The following RBBP8 variants were observed in gnomAD, a reference collection of about 807,000 sequenced individuals.
RBBP8 encodes the protein DNA endonuclease RBBP8.
A neutral mutation model predicts 108.3 loss-of-function variants in RBBP8; 88 were observed. The observed-to-expected ratio is 0.81, with a 90% CI of 0.68 to 0.97. The LOEUF (loss-of-function observed/expected upper bound fraction) is 0.97. Ranked by LOEUF, RBBP8 falls within the 50% of genes least tolerant of loss-of-function variation. The pLI is 0.00. For missense variants in RBBP8, 1,023 were observed against 1,049.0 expected, an observed-to-expected ratio of 0.98 and a Z score of 0.34; for synonymous variants, 332 against 348.2, an observed-to-expected ratio of 0.95 and a Z score of 0.52.
intron 16 of RBBP8, among the ~76,000 whole-genome samples, chr18:23,007,090 G>T (rs551803633): frequency 6.8e-6 from 1 of 147,438 alleles, no homozygotes; most frequent in South Asian, 2.2e-4. Context: ...GCGCAATCTC[G>T]GCTCACTGCA....
rs1909526048 is a variant in RBBP8, at chr18:22,920,024, T to C, written c.-154+2998T>C. 2.0e-5 allele frequency among the ~76,000 whole-genome samples: 3 copies of C among 152,254 alleles called. No homozygotes were observed. The South Asian group carries it at 6.2e-4, about 32-fold the overall frequency. On this transcript the variant is annotated intron_variant, in intron 3 of 4. Transcript: ENST00000577588. ...AGGAAAAAAACAAAAATTTTAAATA[T>C]GTTTTTAAAATGTTCTGGTGGGGAA...
Position 22,990,933 on chromosome 18 carries a change from G to A in RBBP8, c.808-4G>A, listed in dbSNP as rs772486828. 2 of 1,603,418 alleles carry A rather than the reference G, an allele frequency of 1.2e-6. No individual in the cohort carries two copies. Among genetic ancestry groups the A allele is most frequent in the Non-Finnish European group, 8.5e-7 (1 of 1,170,724 alleles). ...TGGATGTGCTTCATATTTTACTCTT[G>A]AAGGAAACTCAAGGTCCCATGAGCC... On this transcript the variant is annotated splice_polypyrimidine_tract_variant and splice_region_variant and intron_variant, in intron 9 of 18. Transcript: ENST00000327155.
chr18:22,952,312 A>G (rs918003950), intron 4 of RBBP8, among the ~76,000 whole-genome samples: 10 of 152,214 alleles, frequency 6.6e-5, no homozygotes, highest in Admixed American at 6.5e-4. Context: ...TCTTAAGGAC[A>G]TCTTTGAATA....
intron 13 of RBBP8, 103 bp from the exon 14 acceptor site, chr18:22,997,517 A>C: frequency 1.3e-6 from 1 of 760,598 alleles, no homozygotes; most frequent in Non-Finnish European, 2.3e-6. Flanking sequence ...AAAGTTGTAA[A>C]ATGTATGTTA....
At chr18:23,005,474 A>ACTC (rs200391805) in intron 15 of RBBP8, among the ~76,000 whole-genome samples, 1,589 of 152,194 alleles carry the variant, frequency 0.01, 22 homozygotes, top group African/African-American at 0.036. Context: ...GTGCAGTGGC[A>ACTC]CAATCTCAGC....
chr18:22,970,016 T>C (rs1339010919), intron 5 of RBBP8, among the ~76,000 whole-genome samples: 1 of 152,162 alleles, frequency 6.6e-6, no homozygotes. Flanking sequence ...AATCCTTGGA[T>C]GCTCAAGTAC....
intron 2 of RBBP8, among the ~76,000 whole-genome samples, chr18:22,938,258 A>G (rs1910750375): frequency 6.6e-6 from 1 of 152,088 alleles, no homozygotes; most frequent in Non-Finnish European, 1.5e-5. Context: ...CATCCTCCCA[A>G]GTAGTTGGGA....
rs1446241860 is a variant in RBBP8, at chr18:23,026,160, C to G, written c.2614C>G (p.Leu872Val). The change falls in exon 19 of 19, where the codon CTT becomes GTT. Residue 872 changes from leucine to valine, a missense_variant. Physicochemically the swap from Leu to Val is conservative, Grantham distance 32. Coordinates refer to ENST00000327155, the MANE Select transcript of RBBP8 (RefSeq NM_002894.3). ...TTTTTAAGGTTATATTAAGGAAGAT[C>G]TTGATCCTTGTCCTCGTCCAAAAAG... The part of the protein sequence containing the change: ...CMERGYIKED[L>V]DPCPRPKRRQ... The G allele has an allele frequency of 1.2e-6, 2 of 1,613,446 alleles. No individual in the cohort carries two copies. The highest frequency in any genetic ancestry group is 2.7e-5 in the African/African-American group (2 of 75,030).
At chr18:22,938,630 T>G (rs985496820) in intron 2 of RBBP8, among the ~76,000 whole-genome samples, 10 of 152,372 alleles carry the variant, frequency 6.6e-5, no homozygotes, top group Admixed American at 2.6e-4. Context: ...GTGGAAAACG[T>G]ATACAATTTG....
chr18:23,016,765 GT>G (rs1240230306), intron 16 of RBBP8, 62 bp from the exon 17 acceptor site: 1 of 1,202,772 alleles, frequency 8.3e-7, no homozygotes, highest in African/African-American at 1.5e-5. Flanking sequence ...ATGAATGAAT[GT>G]TTTGGGGATT....
chr18:22,952,146 G>A (rs117263731), intron 4 of RBBP8, among the ~76,000 whole-genome samples: 405 of 152,272 alleles, frequency 2.7e-3, no homozygotes, highest in Non-Finnish European at 4.6e-3. Context: ...ACTAGATTTC[G>A]TAGGGACATA....
chr18:22,980,837 C>T (rs1914864500), intron 6 of RBBP8, among the ~76,000 whole-genome samples: 2 of 151,292 alleles, frequency 1.3e-5, no homozygotes, highest in Non-Finnish European at 2.9e-5. Context: ...ACCTCACCCT[C>T]CCAAGTAGCT....
chr18:23,002,824 A>G (rs2045970361), intron 15 of RBBP8, among the ~76,000 whole-genome samples: 1 of 152,220 alleles, frequency 6.6e-6, no homozygotes, highest in Admixed American at 6.5e-5. Context: ...AACCAAAGAT[A>G]GAGGACAGTA....
At chr18:22,927,797 T>C (rs1007759150) in intron 3 of RBBP8, among the ~76,000 whole-genome samples, 1 of 151,778 alleles carries the variant, frequency 6.6e-6, no homozygotes, top group Admixed American at 6.6e-5. Flanking sequence ...GCTAAGACTC[T>C]AGTAAAAAGT....
chr18:22,984,420 G>C (rs1915175818), intron 7 of RBBP8, among the ~76,000 whole-genome samples: 1 of 152,148 alleles, frequency 6.6e-6, no homozygotes, highest in African/African-American at 2.4e-5. Context: ...GTCTCACTCT[G>C]TCATCCAGGG....
intron 9 of RBBP8, 35 bp from the exon 10 acceptor site, chr18:22,990,902 A>AT: frequency 6.7e-7 from 1 of 1,484,250 alleles, no homozygotes; most frequent in Middle Eastern, 1.7e-4. Context: ...AACAAATCCC[A>AT]TTACATGGAT....
chr18:22,956,081 T>C (rs898889743), intron 4 of RBBP8, among the ~76,000 whole-genome samples: 9 of 152,196 alleles, frequency 5.9e-5, no homozygotes, highest in African/African-American at 2.2e-4. Flanking sequence ...TTGTATAGTC[T>C]GTTTCCTTGG....
At chr18:22,964,373 G>GTTTTTTTT (rs71161350) in intron 4 of RBBP8, among the ~76,000 whole-genome samples, 2 of 139,502 alleles carry the variant, frequency 1.4e-5, no homozygotes, top group African/African-American at 2.6e-5. Context: ...GGAGACTTAG[G>GTTTTTTTT]TTTTTTTTTT....
chr18:23,010,334 G>T (rs2046134366), intron 16 of RBBP8, among the ~76,000 whole-genome samples: 1 of 151,838 alleles, frequency 6.6e-6, no homozygotes, highest in African/African-American at 2.4e-5. Flanking sequence ...TTTCCAGGTG[G>T]CTCATGCCTG....
Sources: allele counts gnomAD v4.1 joint callset (sites outside exome capture counted in the v4.1 genomes callset), GRCh38; gene constraint gnomAD v4.1.1; transcripts MANE v1.5; gene names NCBI Gene and HGNC (gene_info 2026-07-23, HGNC 2026-07-21).